KANK1: variants seen among roughly 807,000 people sequenced by gnomAD.
KANK1 encodes the protein KN motif and ankyrin repeat domains 1.
In KANK1, 109 loss-of-function variants were observed where a neutral mutation model predicts 106.2. The ratio of observed to expected loss-of-function variants is 1.03; its 90% CI spans 0.88 to 1.20. KANK1 has a LOEUF of 1.20. Among genes scored for constraint, KANK1 ranks in the 50% most tolerant of loss-of-function variants. The pLI, the probability that KANK1 is intolerant of heterozygous loss-of-function variation, is 0.00. For synonymous variants in KANK1, 873 were observed against 652.2 expected, an observed-to-expected ratio of 1.34 and a Z score of -5.16; for missense variants, 2,399 against 1,710.7, an observed-to-expected ratio of 1.40 and a Z score of -7.10.
At chr9:564,648 C>A (rs1023183406) in intron 1 of KANK1, among the ~76,000 whole-genome samples, 9 of 152,200 alleles carry the variant, frequency 5.9e-5, no homozygotes, top group African/African-American at 2.2e-4. Context: ...CCCATGCCTA[C>A]TTTTGGTGTT....
chr9:712,710 G>A lies in KANK1; in HGVS notation c.1944G>A (p.Arg648=), dbSNP rs945342129. 1 of 1,614,006 alleles carries A rather than the reference G, an allele frequency of 6.2e-7. No individual in the cohort carries two copies. The highest frequency in any genetic ancestry group is 8.5e-7 in the Non-Finnish European group (1 of 1,179,968). The change falls in exon 3 of 12, where the codon CGG becomes CGA. Residue 648 remains arginine, a synonymous_variant. Transcript: ENST00000382297. The part of the protein sequence containing the change: ...TVCSPKECAS[R]GVNTEAVSQV... ...GCTCTCCAAAGGAGTGCGCCTCCCG[G>A]GGCGTGAACACTGAGGCTGTTAGCC...
At chr9:536,296 T>G (rs1164304011) in intron 1 of KANK1, among the ~76,000 whole-genome samples, 1 of 152,146 alleles carries the variant, frequency 6.6e-6, no homozygotes, top group East Asian at 1.9e-4. Flanking sequence ...GAGCTGAGAT[T>G]ATGCCACTGC....
chr9:645,755 T>G (rs1014497323), intron 1 of KANK1, among the ~76,000 whole-genome samples: 4 of 150,578 alleles, frequency 2.7e-5, no homozygotes, highest in East Asian at 1.9e-4. Flanking sequence ...GGTGGTGGCA[T>G]GCACCTGTAA....
Position 518,299 on chromosome 9 carries a change from T to G in KANK1, c.-84+13545T>G, listed in dbSNP as rs138197063. ...AGGCCCATCTGATTTGAGTCCTGGC[T>G]TAAAGCGGTTGTTCACATGTTGAAG... On this transcript the variant is annotated intron_variant, in intron 1 of 11. Transcript: ENST00000382297. 5.2e-4 allele frequency among the ~76,000 whole-genome samples: 79 copies of G among 151,858 alleles called. 4 individuals are homozygous for G. Among genetic ancestry groups the G allele is most frequent in the African/African-American group, 1.9e-3 (77 of 41,144 alleles).
At chr9:620,179 G>C (rs16921247) in intron 1 of KANK1, among the ~76,000 whole-genome samples, 20,686 of 151,746 alleles carry the variant, frequency 0.14, 1,954 homozygotes, top group East Asian at 0.3. Context: ...TCTATTTCAG[G>C]TCTAGGCAGG....
chr9:662,049 C>G (rs1256716793), intron 1 of KANK1, among the ~76,000 whole-genome samples: 4 of 152,036 alleles, frequency 2.6e-5, no homozygotes, highest in Non-Finnish European at 4.4e-5. Context: ...GGGTAGAAGC[C>G]AAATGATGAG....
At chr9:627,934 T>C (rs913343759) in intron 1 of KANK1, among the ~76,000 whole-genome samples, 3 of 149,880 alleles carry the variant, frequency 2.0e-5, no homozygotes, top group African/African-American at 7.4e-5. Context: ...CAGCCCCCGC[T>C]AAGTGAAAAT....
chr9:649,587 G>T (rs114473588), intron 1 of KANK1, among the ~76,000 whole-genome samples: 1,975 of 152,304 alleles, frequency 0.013, 43 homozygotes, highest in African/African-American at 0.046. Flanking sequence ...CTAATGAGCT[G>T]TTAAAACGAA....
At chr9:575,061 A>C (rs1017680647) in intron 1 of KANK1, among the ~76,000 whole-genome samples, 73 of 152,180 alleles carry the variant, frequency 4.8e-4, no homozygotes, top group African/African-American at 1.6e-3. Flanking sequence ...AAACAGAAAA[A>C]GATCCTGGGC....
intron 1 of KANK1, among the ~76,000 whole-genome samples, chr9:587,149 T>G (rs7045670): frequency 1.3e-5 from 2 of 152,180 alleles, no homozygotes; most frequent in Non-Finnish European, 2.9e-5. Context: ...AGATAACATA[T>G]CGTTTTTTTC....
intron 1 of KANK1, among the ~76,000 whole-genome samples, chr9:576,204 G>A (rs1820516278): frequency 6.6e-6 from 1 of 152,176 alleles, no homozygotes; most frequent in South Asian, 2.1e-4. Flanking sequence ...ACATACTTCT[G>A]ATTCATGATA....
intron 1 of KANK1, among the ~76,000 whole-genome samples, chr9:647,494 C>G (rs1330229132): frequency 1.3e-5 from 2 of 150,928 alleles, no homozygotes; most frequent in Non-Finnish European, 2.9e-5. Context: ...CTAGTGAAAA[C>G]TACAGAAACA....
intron 2 of KANK1, chr9:693,394 C>T: frequency 1.0e-6 from 1 of 985,286 alleles, no homozygotes; most frequent in South Asian, 4.7e-5. Flanking sequence ...AATGAGGAAA[C>T]ATTTGCTGCC....
rs1009785701 is a variant in KANK1, at chr9:745,821, T to C, written c.*586T>C. 9.8e-5 allele frequency: 15 copies of C among 152,706 alleles called. No individual in the cohort carries two copies. Among genetic ancestry groups the C allele is most frequent in the African/African-American group, 3.6e-4 (15 of 41,474 alleles). The allele number at this position is 152,706 out of a possible 1,614,324, so 9.5% of individuals were successfully genotyped here. On this transcript the variant is annotated 3_prime_UTR_variant, in exon 12 of 12. Coordinates refer to ENST00000382297, the MANE Select transcript of KANK1 (RefSeq NM_015158.5). ...TGACTTTTTATAAAAAGGGTATCTA[T>C]ATGAACTTGACACAGTATTTTCAGC... is the stretch of plus-strand genomic sequence containing the variant.
Position 552,588 on chromosome 9 carries a change from AG to A in KANK1, c.-84+47835del, listed in dbSNP as rs1276303942. Among the ~76,000 whole-genome samples, 5 of 152,348 alleles carry A rather than the reference AG, an allele frequency of 3.3e-5. No individual in the cohort carries two copies. In the South Asian group the frequency reaches 8.3e-4, roughly 25 times the overall value. ...AGGGAACTGCTCATTTGAATGAACC[AG>A]AAGAAACTTGGAATTTTGCCTGCCT... On this transcript the variant is annotated intron_variant, in intron 1 of 11. Transcript: ENST00000382297.
chr9:698,086 T>C (rs1821758033), intron 2 of KANK1, among the ~76,000 whole-genome samples: 1 of 152,176 alleles, frequency 6.6e-6, no homozygotes, highest in African/African-American at 2.4e-5. Flanking sequence ...AGGCCTATCG[T>C]CTACCTTTAG....
At chr9:493,808 A>G (rs1256146289) in intron 3 of KANK1, among the ~76,000 whole-genome samples, 1 of 151,516 alleles carries the variant, frequency 6.6e-6, no homozygotes, top group Non-Finnish European at 1.5e-5. Flanking sequence ...CAGCCTCCCA[A>G]AATGCTGGGA....
intron 1 of KANK1, among the ~76,000 whole-genome samples, chr9:506,538 G>A (rs981728551): frequency 6.6e-6 from 1 of 151,822 alleles, no homozygotes; most frequent in African/African-American, 2.4e-5. Context: ...GTGTGTGTGT[G>A]TGTGTGTGTG....
intron 1 of KANK1, among the ~76,000 whole-genome samples, chr9:512,410 G>A (rs1176277803): frequency 6.6e-6 from 1 of 152,040 alleles, no homozygotes; most frequent in Non-Finnish European, 1.5e-5. Context: ...CTCCAGCTCA[G>A]GGAGGCCGGT....
Sources: gnomAD v4.1 joint callset for allele counts (sites outside exome capture counted in the v4.1 genomes callset) on GRCh38, gnomAD v4.1.1 for gene constraint, MANE v1.5 for transcripts, NCBI Gene and HGNC (gene_info 2026-07-23, HGNC 2026-07-21) for gene names.